The following CKAP5 variants were observed in gnomAD, a reference collection of about 807,000 sequenced individuals.
CKAP5 encodes cytoskeleton associated protein 5, also known as cytoskeleton-associated protein 5.
A neutral mutation model predicts 232.8 loss-of-function variants in CKAP5; 27 were observed. The ratio of observed to expected loss-of-function variants is 0.12; its 90% CI spans 0.09 to 0.16. The LOEUF (loss-of-function observed/expected upper bound fraction) is 0.16. CKAP5 is among the 10% of genes least tolerant of loss of function. CKAP5 has a pLI of 1.00. For missense variants in CKAP5, 1,838 were observed against 2,424.7 expected (o/e 0.76, Z 5.08); for synonymous variants, 785 against 841.1 (o/e 0.93, Z 1.16).
intron 9 of CKAP5, among the ~76,000 whole-genome samples, chr11:46,800,457 G>A (rs1324673015): frequency 6.6e-6 from 1 of 152,220 alleles, no homozygotes; most frequent in East Asian, 1.9e-4. Flanking sequence ...ATCAAATGAT[G>A]AAGGGGCTAG....
chr11:46,808,305 G>A (rs534656388), intron 7 of CKAP5, among the ~76,000 whole-genome samples, 161 bp from the exon 8 acceptor site: 54 of 152,326 alleles, frequency 3.5e-4, no homozygotes, highest in Admixed American at 3.9e-4. Context: ...ACTTTGGGAG[G>A]CCGAGGAGGG....
Position 46,778,153 on chromosome 11 carries a change from A to C in CKAP5, c.2734T>G (p.Ser912Ala). ...GCTCTACATACCAAGATTTTATTTGAATCATTGAGTCGACCCTTCAAGGCA... is the reference window on the plus strand; with the variant it reads ...GCTCTACATACCAAGATTTTATTTGCATCATTGAGTCGACCCTTCAAGGCA... ...PTALKGRLND[S>A]NKILVQQTLN... The change falls in exon 22 of 44, where the codon TCA becomes GCA. Residue 912 changes from serine to alanine, a missense_variant. Transcript: ENST00000529230. The C allele has an allele frequency of 6.2e-7, 1 of 1,613,636 alleles. No individual in the cohort carries two copies. The highest frequency in any genetic ancestry group is 1.1e-5 in the South Asian group (1 of 90,932).
At chr11:46,834,094 G>C (rs1029323117) in intron 1 of CKAP5, among the ~76,000 whole-genome samples, 1 of 152,086 alleles carries the variant, frequency 6.6e-6, no homozygotes, top group Non-Finnish European at 1.5e-5. Context: ...GGTCCTGAAA[G>C]CCTAACCTCA....
At chr11:46,763,940 A>G (rs2065178711) in intron 28 of CKAP5, among the ~76,000 whole-genome samples, 1 of 152,164 alleles carries the variant, frequency 6.6e-6, no homozygotes, top group African/African-American at 2.4e-5. Flanking sequence ...GGCTCAAGTG[A>G]TTCTTCTGCC....
chr11:46,831,625 C>T (rs1939795611), intron 1 of CKAP5, among the ~76,000 whole-genome samples: 1 of 152,056 alleles, frequency 6.6e-6, no homozygotes. Flanking sequence ...TCCTCCCAGC[C>T]TCATGTGAGC....
chr11:46,783,538 T>C (rs940034727), intron 17 of CKAP5, among the ~76,000 whole-genome samples, 170 bp from the exon 18 acceptor site: 1 of 151,728 alleles, frequency 6.6e-6, no homozygotes, highest in Non-Finnish European at 1.5e-5. Context: ...GAAATGATAG[T>C]AGGACTAAAG....
chr11:46,821,761 C>T lies in CKAP5; in HGVS notation c.-37-493G>A, dbSNP rs182690908. 2.8e-3 allele frequency among the ~76,000 whole-genome samples: 422 copies of T among 151,868 alleles called. 2 individuals are homozygous for T. Among genetic ancestry groups the T allele is most frequent in the African/African-American group, 9.7e-3 (400 of 41,434 alleles). ...TTTTAAAGTCACTCAAAAGACAGGACACAGTGGTGGCTCATGCCTGTAATC... is the reference window on the plus strand; with the variant it reads ...TTTTAAAGTCACTCAAAAGACAGGATACAGTGGTGGCTCATGCCTGTAATC... On this transcript the variant is annotated intron_variant, in intron 1 of 43. Transcript: ENST00000529230.
In CKAP5 at chr11:46,843,657, G is replaced by A. The variant is rs141347232; in HGVS notation, c.-38+2563C>T. ...AGATGGGAGGATCACCTGAGCCCTG[G>A]AGGTGGAGGCTGCAGTGACCCATAA... On this transcript the variant is annotated intron_variant, in intron 1 of 43. Transcript: ENST00000529230. 5.9e-4 allele frequency among the ~76,000 whole-genome samples: 89 copies of A among 151,740 alleles called. No individual in the cohort carries two copies. The East Asian group carries it at 0.016, about 28-fold the overall frequency.
chr11:46,772,858 C>T (rs1023701994), intron 24 of CKAP5, among the ~76,000 whole-genome samples: 1 of 152,074 alleles, frequency 6.6e-6, no homozygotes, highest in African/African-American at 2.4e-5. Flanking sequence ...TCTCCTGCCA[C>T]AGCCTCTCGA....
intron 1 of CKAP5, among the ~76,000 whole-genome samples, chr11:46,837,046 T>G (rs1939933951): frequency 6.6e-6 from 1 of 152,184 alleles, no homozygotes; most frequent in African/African-American, 2.4e-5. Flanking sequence ...GCTTTGGTAA[T>G]GAGTGGAGTC....
Position 46,770,910 on chromosome 11 carries a change from G to A in CKAP5, c.3064C>T (p.His1022Tyr), listed in dbSNP as rs1207076866. The A allele has an allele frequency of 1.9e-6, 3 of 1,614,044 alleles. No individual in the cohort carries two copies. The highest frequency in any genetic ancestry group is 1.7e-6 in the Non-Finnish European group (2 of 1,180,024). Reference sequence around the variant, plus strand: ...CGATCTTCTAGGCAGGAGTAGAGATGAGGAACACAAAGGATAAGGTCTGTA... The same window carrying A: ...CGATCTTCTAGGCAGGAGTAGAGATAAGGAACACAAAGGATAAGGTCTGTA... ...TPTDLILCVP[H>Y]LYSCLEDRNG... The change falls in exon 25 of 44, where the codon CAT becomes TAT. Residue 1022 changes from histidine to tyrosine, a missense_variant. Physicochemically the swap from His to Tyr is moderately conservative, Grantham distance 83. This residue lies in a region of CKAP5 where 767 missense variants were observed against 954.6 expected (regional missense o/e 0.80). Coordinates refer to ENST00000529230, the MANE Select transcript of CKAP5 (RefSeq NM_001008938.4).
At chr11:46,792,696 A>G (rs1441369951) in intron 13 of CKAP5, among the ~76,000 whole-genome samples, 1 of 152,228 alleles carries the variant, frequency 6.6e-6, no homozygotes, top group East Asian at 1.9e-4. Flanking sequence ...GAATAGAAGG[A>G]GGTTGCTCCC....
intron 33 of CKAP5, 30 bp downstream of exon 33, chr11:46,760,582 G>A (rs1246680536): frequency 1.9e-6 from 3 of 1,607,052 alleles, no homozygotes; most frequent in Admixed American, 1.7e-5. Flanking sequence ...CCATGGAGAT[G>A]CTCTCAGACA....
At position 46,760,609 on chromosome 11, in the gene CKAP5, T is replaced by C. The variant is rs866550307; in HGVS notation, c.4394+3A>G. On this transcript the variant is annotated splice_donor_region_variant and intron_variant, in intron 33 of 43. Transcript: ENST00000529230. ...TCTCAGACAAGTATCTCTATCTACA[T>C]ACTTGAGTTTGGAAGACATGTCCTC... 1.9e-6 allele frequency: 3 copies of C among 1,614,062 alleles called. No individual in the cohort carries two copies. The highest frequency in any genetic ancestry group is 1.3e-5 in the African/African-American group (1 of 75,068).
Position 46,792,191 on chromosome 11 carries a change from C to A in CKAP5, c.1651-1608G>T, listed in dbSNP as rs185357346. ...ATAGCATTCTCTATATGGAGAGATA[C>A]TTCAAATAACAAATCTACTATTCTT... On this transcript the variant is annotated intron_variant, in intron 13 of 43. Coordinates refer to ENST00000529230, the MANE Select transcript of CKAP5 (RefSeq NM_001008938.4). 4.5e-3 allele frequency among the ~76,000 whole-genome samples: 425 copies of A among 94,992 alleles called. 3 individuals are homozygous for A. The highest frequency in any genetic ancestry group is 0.015 in the African/African-American group (391 of 25,976). 62.3% of individuals were successfully genotyped at this position (94,992 alleles called of 152,430 possible). A position where few individuals can be genotyped will look rare whatever the true frequency, so the allele number is the denominator to read the frequency against.
intron 1 of CKAP5, among the ~76,000 whole-genome samples, chr11:46,827,305 G>C (rs1270558291): frequency 6.6e-6 from 1 of 152,072 alleles, no homozygotes; most frequent in Admixed American, 6.5e-5. Context: ...CAACTCAAAG[G>C]CCTGGAAAAG....
At chr11:46,843,997 G>A (rs891405962) in intron 1 of CKAP5, among the ~76,000 whole-genome samples, 2 of 152,002 alleles carry the variant, frequency 1.3e-5, no homozygotes, top group African/African-American at 2.4e-5. Context: ...GAGGCGGGTG[G>A]ATCATTTGAG....
At chr11:46,816,156 G>A in intron 4 of CKAP5, 42 bp downstream of exon 4, 1 of 1,528,862 alleles carries the variant, frequency 6.5e-7, no homozygotes, top group East Asian at 2.2e-5. Flanking sequence ...AAAAAGGTTG[G>A]GGACTGCTGC....
chr11:46,744,136 C>T lies in CKAP5; in HGVS notation c.5986G>A (p.Asp1996Asn). ...RESREQHQHS[D>N]LDSNQTHSSG... is the part of the protein sequence containing the mutation. ...GAGTGAGTCTGGTTAGAATCCAGGTCTGAATGCTGGTGCTGCTCCCGTGAC... is the reference window on the plus strand; with the variant it reads ...GAGTGAGTCTGGTTAGAATCCAGGTTTGAATGCTGGTGCTGCTCCCGTGAC... Residue 1996 changes from aspartate (D) to asparagine (N), a missense_variant, in exon 44 of 44, where the codon GAC becomes AAC. By Grantham distance (23) the Asp-to-Asn change is conservative (BLOSUM62 1). This residue lies in a region of CKAP5 where 62 missense variants were observed against 61.1 expected (regional missense o/e 1.01). Transcript: ENST00000529230. The T allele has an allele frequency of 1.2e-6, 2 of 1,614,018 alleles. No homozygotes were observed. The highest frequency in any genetic ancestry group is 4.5e-5 in the East Asian group (2 of 44,880).
Sources: gnomAD v4.1 joint callset for allele counts (sites outside exome capture counted in the v4.1 genomes callset) on GRCh38, gnomAD v4.1.1 for gene constraint, gnomAD v4.1.1 regional missense constraint, MANE v1.5 for transcripts, NCBI Gene and HGNC (gene_info 2026-07-23, HGNC 2026-07-21) for gene names.